TOGARAM1: variants seen among roughly 807,000 people sequenced by gnomAD.
The protein encoded by TOGARAM1 is TOG array regulator of axonemal microtubules 1, also known as TOG array regulator of axonemal microtubules protein 1.
A neutral mutation model predicts 166.6 loss-of-function variants in TOGARAM1; 100 were observed. That is an observed-to-expected ratio of 0.60 (90% CI 0.51 to 0.71). The LOEUF is 0.71. TOGARAM1 is among the 30% of genes least tolerant of loss of function. TOGARAM1 has a pLI of 0.00. For missense variants in TOGARAM1, 2,029 were observed against 2,102.7 expected (o/e 0.96, Z 0.69); for synonymous variants, 758 against 763.8 (o/e 0.99, Z 0.13).
intron 11 of TOGARAM1, among the ~76,000 whole-genome samples, chr14:45,043,458 G>C (rs748655774): frequency 5.3e-5 from 8 of 152,100 alleles, no homozygotes; most frequent in Non-Finnish European, 1.0e-4. Flanking sequence ...TTACAGATAT[G>C]ATTCACTGCA....
intron 16 of TOGARAM1, among the ~76,000 whole-genome samples, chr14:45,061,269 G>A (rs1054244593): frequency 6.6e-6 from 1 of 152,180 alleles, no homozygotes; most frequent in Non-Finnish European, 1.5e-5. Context: ...CCTCGGGTTG[G>A]CTGCTGTGCT....
chr14:45,049,672 TTATTA>T (rs1356821772), intron 14 of TOGARAM1, among the ~76,000 whole-genome samples: 2 of 152,196 alleles, frequency 1.3e-5, no homozygotes, highest in Non-Finnish European at 2.9e-5. Flanking sequence ...GAGTGATATC[TTATTA>T]TATTCACAAA....
chr14:45,013,542 A>G (rs1436707467), intron 7 of TOGARAM1, among the ~76,000 whole-genome samples: 1 of 152,210 alleles, frequency 6.6e-6, no homozygotes, highest in Non-Finnish European at 1.5e-5. Context: ...CTGACACCCC[A>G]GTTTGATGTT....
intron 1 of TOGARAM1, among the ~76,000 whole-genome samples, chr14:44,976,224 A>G (rs1886183277): frequency 6.6e-6 from 1 of 152,178 alleles, no homozygotes; most frequent in Non-Finnish European, 1.5e-5. Flanking sequence ...TGCTTCCACA[A>G]AAATTGCCCT....
Position 44,964,127 on chromosome 14 carries a change from T to TGC in TOGARAM1, c.1707_1708dup (p.Gln570ArgfsTer24). 1 of 1,614,228 alleles carries TGC rather than the reference T, an allele frequency of 6.2e-7. No individual in the cohort carries two copies. The highest frequency in any genetic ancestry group is 8.5e-7 in the Non-Finnish European group (1 of 1,180,034). ...AATGGAGATGGAGTGATGAATGCTG[T>TGC]GCAGGCCAGATTGGCTAGGAAAACC... On this transcript the variant is annotated frameshift_variant, in exon 1 of 20. Coordinates refer to ENST00000361462, the MANE Select transcript of TOGARAM1 (RefSeq NM_001308120.2). LOFTEE classifies it high-confidence loss of function.
At chr14:44,964,543 C>A in intron 1 of TOGARAM1, 76 bp downstream of exon 1, 1 of 1,455,360 alleles carries the variant, frequency 6.9e-7, no homozygotes, top group South Asian at 1.4e-5. Flanking sequence ...ACTTAAGGGT[C>A]AGCCTGCTTG....
At chr14:45,052,784 G>GGT (rs1161708495) in intron 15 of TOGARAM1, among the ~76,000 whole-genome samples, 1 of 152,124 alleles carries the variant, frequency 6.6e-6, no homozygotes, top group Admixed American at 6.5e-5. Flanking sequence ...CTTGATGTTT[G>GGT]GTAGAATATA....
intron 1 of TOGARAM1, chr14:44,995,444 A>C: frequency 2.1e-6 from 1 of 468,116 alleles, no homozygotes; most frequent in Admixed American, 2.3e-5. Context: ...GCTCCGTCAG[A>C]TCATTGTTTT....
intron 11 of TOGARAM1, 109 bp from the exon 12 acceptor site, chr14:45,043,577 C>A (rs891989649): frequency 1.4e-6 from 1 of 711,730 alleles, no homozygotes; most frequent in Non-Finnish European, 2.5e-6. Flanking sequence ...TCTCACCTTT[C>A]TGAACCTCTT....
chr14:45,050,386 G>A (rs956798518), intron 14 of TOGARAM1, among the ~76,000 whole-genome samples: 3 of 152,084 alleles, frequency 2.0e-5, no homozygotes, highest in Non-Finnish European at 2.9e-5. Context: ...CCGAGTAGCT[G>A]GGACTACAGG....
chr14:44,977,267 C>G (rs966272140), intron 1 of TOGARAM1, among the ~76,000 whole-genome samples: 2 of 129,680 alleles, frequency 1.5e-5, no homozygotes, highest in Non-Finnish European at 3.1e-5. Context: ...TGGAGTCTTG[C>G]TCTGTTGCCC....
chr14:45,045,615 G>A (rs371750822), intron 13 of TOGARAM1, among the ~76,000 whole-genome samples: 27 of 44,338 alleles, frequency 6.1e-4, no homozygotes, highest in South Asian at 2.8e-3. Flanking sequence ...GTGTGTGTGT[G>A]TGTATATATA....
chr14:45,049,983 C>T (rs1566664358), intron 14 of TOGARAM1, among the ~76,000 whole-genome samples: 2 of 151,976 alleles, frequency 1.3e-5, no homozygotes, highest in South Asian at 2.1e-4. Context: ...AATTAATTTT[C>T]GAGTTTTGTA....
chr14:45,012,937 T>C (rs1879897012), intron 7 of TOGARAM1, among the ~76,000 whole-genome samples: 1 of 152,210 alleles, frequency 6.6e-6, no homozygotes, highest in African/African-American at 2.4e-5. Flanking sequence ...TTCTCCCTGC[T>C]TCAATCTCAC....
chr14:45,073,269 C>T (rs201040507), intron 19 of TOGARAM1, 27 bp from the exon 20 acceptor site: 12 of 1,579,944 alleles, frequency 7.6e-6, no homozygotes, highest in South Asian at 1.2e-5. Flanking sequence ...AAGAAAAAAC[C>T]CTGTTTTTTA....
rs1450041374 is a variant in TOGARAM1 at position 44,964,246 on chromosome 14, G to C, written c.1825G>C (p.Asp609His). ...GTCAAACCATTTGGCACATGGAGCA[G>C]ATACGGACTGGCTTTTGGCTGGTAA... is the stretch of plus-strand genomic sequence containing the variant. The part of the protein sequence containing the change: ...GRSNHLAHGA[D>H]TDWLLAGNRT... The change falls in exon 1 of 20, where the codon GAT becomes CAT. Residue 609 changes from aspartate to histidine, a missense_variant. Transcript: ENST00000361462. 1 of 1,614,202 alleles carries C rather than the reference G, an allele frequency of 6.2e-7. No individual in the cohort carries two copies. The highest frequency in any genetic ancestry group is 1.7e-5 in the Admixed American group (1 of 60,022).
chr14:45,006,885 G>A (rs923199532), intron 5 of TOGARAM1: 12 of 151,986 alleles, frequency 7.9e-5, no homozygotes, highest in Admixed American at 2.0e-4. Flanking sequence ...ATGAAATTGA[G>A]ATCATATTGT....
At chr14:45,058,205 T>A (rs1882733273) in intron 16 of TOGARAM1, among the ~76,000 whole-genome samples, 1 of 151,422 alleles carries the variant, frequency 6.6e-6, no homozygotes, top group African/African-American at 2.4e-5. Flanking sequence ...CTTCTTTGTC[T>A]TTTTTTTTAC....
intron 1 of TOGARAM1, among the ~76,000 whole-genome samples, chr14:44,985,291 G>A (rs1424440207): frequency 6.6e-6 from 1 of 152,182 alleles, no homozygotes; most frequent in Non-Finnish European, 1.5e-5. Context: ...GGATTAACAG[G>A]CGTGAGCCAT....
Sources: gnomAD v4.1 joint callset for allele counts (sites outside exome capture counted in the v4.1 genomes callset) on GRCh38, gnomAD v4.1.1 for gene constraint, MANE v1.5 for transcripts, NCBI Gene and HGNC (gene_info 2026-07-23, HGNC 2026-07-21) for gene names.